PHF3: variants seen among roughly 807,000 people sequenced by gnomAD.
The protein encoded by PHF3 is PHD finger protein 3.
In PHF3, 41 loss-of-function variants were observed where a neutral mutation model predicts 178.4. The observed-to-expected ratio is 0.23, with a 90% CI of 0.18 to 0.30. The LOEUF is 0.30. Among genes scored for constraint, PHF3 ranks in the 10% least tolerant of loss-of-function variants. PHF3 has a pLI of 1.00. For missense variants in PHF3, 2,346 were observed against 2,398.1 expected, an observed-to-expected ratio of 0.98 and a Z score of 0.45; for synonymous variants, 842 against 800.5, an observed-to-expected ratio of 1.05 and a Z score of -0.88.
At chr6:63,696,099 T>C (rs752773139) in intron 6 of PHF3, among the ~76,000 whole-genome samples, 44 of 152,304 alleles carry the variant, frequency 2.9e-4, no homozygotes, top group Admixed American at 1.9e-3. Flanking sequence ...GTTGGAGCAT[T>C]GTGGATTTCA....
rs1768138772 is a variant in PHF3, at chr6:63,714,972, T to G, written c.*1264T>G. 6.6e-6 allele frequency: 1 copy of G among 152,038 alleles called. No homozygotes were observed. The highest frequency in any genetic ancestry group is 2.4e-5 in the African/African-American group (1 of 41,432). The allele number at this position is 152,038 out of a possible 1,614,324, so 9.4% of individuals were successfully genotyped here. A position where few individuals can be genotyped will look rare whatever the true frequency, so the allele number is the denominator to read the frequency against. ...GATGGCTGTAATTTAAAGTAAGAGC[T>G]ATCAAATGATGCTGACAAAAGAAAA... On this transcript the variant is annotated 3_prime_UTR_variant, in exon 16 of 16. Transcript: ENST00000262043.
At chr6:63,671,084 A>C (rs1342059358) in intron 2 of PHF3, among the ~76,000 whole-genome samples, 1 of 151,824 alleles carries the variant, frequency 6.6e-6, no homozygotes, top group African/African-American at 2.4e-5. Flanking sequence ...AATGAGATCC[A>C]TATTATAAGA....
rs1419934518 is a variant in PHF3 at position 63,712,813 on chromosome 6, A to C, written c.5225A>C (p.Asp1742Ala). 3.7e-6 allele frequency: 6 copies of C among 1,613,972 alleles called. No individual in the cohort carries two copies. The African/African-American group carries it at 8.0e-5, about 22-fold the overall frequency. The change falls in exon 16 of 16, where the codon GAT becomes GCT. Residue 1742 changes from aspartate (D) to alanine (A), a missense_variant. By Grantham distance (126) the Asp-to-Ala change is moderately radical (BLOSUM62 -2). Coordinates refer to ENST00000262043, the MANE Select transcript of PHF3 (RefSeq NM_001370348.2). ...GAACAAGCAAAACCCTTACAGGAGG[A>C]TATTTTAATGCAAAATATTGAAACT... The part of the protein sequence containing the change: ...QAEQAKPLQE[D>A]ILMQNIETVH...
chr6:63,643,515 T>C (rs994050298), intron 1 of PHF3, among the ~76,000 whole-genome samples: 1 of 152,120 alleles, frequency 6.6e-6, no homozygotes, highest in Non-Finnish European at 1.5e-5. Context: ...GAAATTGTCT[T>C]CTTTGGACTC....
intron 11 of PHF3, 102 bp downstream of exon 11, chr6:63,703,773 T>A: frequency 8.9e-7 from 1 of 1,121,140 alleles, no homozygotes; most frequent in Non-Finnish European, 1.3e-6. Context: ...TTCCCAATAT[T>A]GGTGGTGAGG....
chr6:63,720,638 T>A lies in PHF3; in HGVS notation c.*6930T>A. 1.3e-6 allele frequency: 2 copies of A among 1,521,214 alleles called. No homozygotes were observed. Among genetic ancestry groups the A allele is most frequent in the Non-Finnish European group, 1.8e-6 (2 of 1,132,394 alleles). The allele number at this position is 1,521,214 out of a possible 1,614,324, so 94.2% of individuals were successfully genotyped here. ...GTTCATCTCCATCATAAACATTGTATCCTTCTAATTTAATTAGTTCAATGT... is the reference window on the plus strand; with the variant it reads ...GTTCATCTCCATCATAAACATTGTAACCTTCTAATTTAATTAGTTCAATGT... On this transcript the variant is annotated 3_prime_UTR_variant, in exon 16 of 16. Transcript: ENST00000262043.
Position 63,684,160 on chromosome 6 carries a change from T to G in PHF3, c.438T>G (p.Ile146Met). ...TAAGAAGTTTGCGACAGAGCACTAT[T>G]GCCAAGCGTTCAAATGCAGCACCAT... ...EQVRSLRQST[I>M]AKRSNAAPLS... is the part of the protein sequence containing the mutation. Residue 146 changes from isoleucine (I) to methionine (M), a missense_variant, in exon 4 of 16, where the codon ATT becomes ATG. Ile to Met is a conservative substitution (Grantham distance 10). Transcript: ENST00000262043. 6.2e-7 allele frequency: 1 copy of G among 1,612,402 alleles called. No homozygotes were observed. The highest frequency in any genetic ancestry group is 1.1e-5 in the South Asian group (1 of 90,730).
At position 63,718,684 on chromosome 6, in the gene PHF3, C is replaced by T. The variant is rs924115680; in HGVS notation, c.*4976C>T. ...TTTGGGAAAGGGAGGACTCTGGATT[C>T]CTTGAAAAGATCGCAGGGGTTCTTG... On this transcript the variant is annotated 3_prime_UTR_variant, in exon 16 of 16. Coordinates refer to ENST00000262043, the MANE Select transcript of PHF3 (RefSeq NM_001370348.2). Among the ~76,000 whole-genome samples the T allele has an allele frequency of 5.3e-5, 8 of 151,900 alleles. No individual in the cohort carries two copies. Among genetic ancestry groups the T allele is most frequent in the Non-Finnish European group, 7.4e-5 (5 of 67,914 alleles).
At chr6:63,688,899 G>A (rs1320750809) in intron 4 of PHF3, among the ~76,000 whole-genome samples, 1 of 152,210 alleles carries the variant, frequency 6.6e-6, no homozygotes, top group Non-Finnish European at 1.5e-5. Context: ...ATTTGCAACA[G>A]CTTTGCCTCT....
intron 2 of PHF3, among the ~76,000 whole-genome samples, chr6:63,662,881 T>C (rs970432086): frequency 2.0e-5 from 3 of 152,220 alleles, no homozygotes; most frequent in Non-Finnish European, 4.4e-5. Flanking sequence ...AAAGCTAATT[T>C]TCTATAAACA....
chr6:63,684,010 A>G, intron 3 of PHF3, 119 bp from the exon 4 acceptor site: 1 of 710,286 alleles, frequency 1.4e-6, no homozygotes, highest in South Asian at 2.0e-5. Flanking sequence ...TGTTCAATAC[A>G]TTTTTGTTGA....
At chr6:63,707,290 T>G (rs1053194452) in intron 13 of PHF3, among the ~76,000 whole-genome samples, 5 of 152,362 alleles carry the variant, frequency 3.3e-5, no homozygotes, top group African/African-American at 1.2e-4. Flanking sequence ...TCTTCATGAC[T>G]ACTGTTCTTA....
chr6:63,712,327 C>A lies in PHF3; in HGVS notation c.4739C>A (p.Ser1580Ter). Residue 1580 changes from serine to a stop codon, truncating the protein, a stop_gained, in exon 16 of 16, where the codon TCA (serine) becomes TAA (stop). Transcript: ENST00000262043. LOFTEE classifies it high-confidence loss of function. Reference protein sequence around the residue: ...EAFLTNLSIQSKQEETVESKE... With the variant: ...EAFLTNLSIQ ...TTTTTAACAAATTTATCAATTCAGTCAAAACAAGAGGAAACTGTGGAGAGT... is the reference window on the plus strand; with the variant it reads ...TTTTTAACAAATTTATCAATTCAGTAAAAACAAGAGGAAACTGTGGAGAGT... 6.2e-7 allele frequency: 1 copy of A among 1,612,824 alleles called. No homozygotes were observed. Among genetic ancestry groups the A allele is most frequent in the South Asian group, 1.1e-5 (1 of 90,866 alleles).
At position 63,716,022 on chromosome 6, in the gene PHF3, G is replaced by C. The variant is rs1020716151; in HGVS notation, c.*2314G>C. Among the ~76,000 whole-genome samples the C allele has an allele frequency of 1.1e-4, 16 of 152,120 alleles. No individual in the cohort carries two copies. Among genetic ancestry groups the C allele is most frequent in the South Asian group, 2.1e-4 (1 of 4,824 alleles). On this transcript the variant is annotated 3_prime_UTR_variant, in exon 16 of 16. Transcript: ENST00000262043. ...AGACAGTGAATGCATACCTCTATTAGGTAAAAGTACCAGGGCATCTCAGTA... is the reference window on the plus strand; with the variant it reads ...AGACAGTGAATGCATACCTCTATTACGTAAAAGTACCAGGGCATCTCAGTA...
chr6:63,648,164 A>T (rs1356867785), intron 2 of PHF3, among the ~76,000 whole-genome samples: 1 of 152,070 alleles, frequency 6.6e-6, no homozygotes, highest in Non-Finnish European at 1.5e-5. Flanking sequence ...AATTATTTAT[A>T]TTATGTTGTG....
chr6:63,698,650 G>T, intron 8 of PHF3, 45 bp downstream of exon 8: 2 of 1,315,140 alleles, frequency 1.5e-6, no homozygotes, highest in Admixed American at 5.0e-5. Context: ...ACTTTCCTGA[G>T]TACATAGGTA....
intron 1 of PHF3, 190 bp downstream of exon 1, chr6:63,636,340 G>C (rs1764334223): frequency 6.1e-6 from 1 of 163,582 alleles, no homozygotes; most frequent in South Asian, 2.0e-4. Flanking sequence ...CCTGGGCCGC[G>C]CCGCTGGCGC....
At chr6:63,669,505 C>A (rs991239302) in intron 2 of PHF3, among the ~76,000 whole-genome samples, 2 of 152,150 alleles carry the variant, frequency 1.3e-5, no homozygotes, top group African/African-American at 4.8e-5. Context: ...ATATTCGATC[C>A]ATTCGTCTAA....
chr6:63,711,971 TAAA>T lies in PHF3; in HGVS notation c.4384_4386del (p.Lys1462del), dbSNP rs1261280056. 2.1e-5 allele frequency: 34 copies of T among 1,613,672 alleles called. No individual in the cohort carries two copies. Among genetic ancestry groups the T allele is most frequent in the Non-Finnish European group, 2.7e-5 (32 of 1,179,910 alleles). ...AACCTACTACTCTGGAATTAGCAAA[TAAA>T]CCTCTTCCTGTGGATGATATACTTC... On this transcript the variant is annotated inframe_deletion, in exon 16 of 16. Coordinates refer to ENST00000262043, the MANE Select transcript of PHF3 (RefSeq NM_001370348.2).
Sources: gnomAD v4.1 joint callset for allele counts (sites outside exome capture counted in the v4.1 genomes callset) on GRCh38, gnomAD v4.1.1 for gene constraint, MANE v1.5 for transcripts, NCBI Gene and HGNC (gene_info 2026-07-23, HGNC 2026-07-21) for gene names.